The following SLC6A2 variants were observed in gnomAD, a reference collection of about 807,000 sequenced individuals.
The protein encoded by SLC6A2 is solute carrier family 6 member 2, also known as sodium-dependent noradrenaline transporter.
SLC6A2 carries 26 observed loss-of-function variants against 71.7 expected under a neutral mutation model. The observed-to-expected ratio is 0.36, with a 90% CI of 0.27 to 0.50. SLC6A2 has a LOEUF of 0.50. Among genes scored for constraint, SLC6A2 ranks in the 20% least tolerant of loss-of-function variants. The pLI is 0.96. For synonymous variants in SLC6A2, 363 were observed against 337.9 expected (o/e 1.07, Z -0.82); for missense variants, 581 against 803.9 (o/e 0.72, Z 3.35).
intron 4 of SLC6A2, among the ~76,000 whole-genome samples, chr16:55,683,796 T>G (rs1181514700): frequency 6.6e-6 from 1 of 152,230 alleles, no homozygotes; most frequent in African/African-American, 2.4e-5. Flanking sequence ...ATGAATGTCC[T>G]GAAGTCCTCA....
intron 8 of SLC6A2, among the ~76,000 whole-genome samples, chr16:55,695,737 C>T (rs1049907765): frequency 5.9e-5 from 9 of 152,182 alleles, no homozygotes; most frequent in African/African-American, 2.2e-4. Context: ...ACTCACTTTA[C>T]GAATGGGAAG....
chr16:55,674,763 C>G (rs1382102920), intron 4 of SLC6A2, among the ~76,000 whole-genome samples: 1 of 152,168 alleles, frequency 6.6e-6, no homozygotes, highest in Non-Finnish European at 1.5e-5. Flanking sequence ...TGATGGGCAC[C>G]TAGGTTGATG....
chr16:55,670,968 A>G (rs1440773021), intron 3 of SLC6A2, among the ~76,000 whole-genome samples: 1 of 152,206 alleles, frequency 6.6e-6, no homozygotes, highest in Non-Finnish European at 1.5e-5. Context: ...GAAAAAAGCT[A>G]TAGAACTACC....
At chr16:55,682,775 G>A (rs940512756) in intron 4 of SLC6A2, among the ~76,000 whole-genome samples, 13 of 152,208 alleles carry the variant, frequency 8.5e-5, no homozygotes, top group African/African-American at 2.9e-4. Context: ...GAAGGGTGTT[G>A]GGCAATGTGC....
chr16:55,658,246 T>C (rs1207915252), intron 2 of SLC6A2, among the ~76,000 whole-genome samples: 1 of 152,082 alleles, frequency 6.6e-6, no homozygotes, highest in Non-Finnish European at 1.5e-5. Flanking sequence ...GCATGGTGGC[T>C]CATGCCTATA....
intron 10 of SLC6A2, 66 bp from the exon 11 acceptor site, chr16:55,698,403 G>A: frequency 8.7e-7 from 1 of 1,148,910 alleles, no homozygotes; most frequent in Non-Finnish European, 1.3e-6. Flanking sequence ...AGAGTTGACA[G>A]ACACAACAAT....
intron 4 of SLC6A2, among the ~76,000 whole-genome samples, chr16:55,680,933 A>G (rs1367476186): frequency 6.6e-6 from 1 of 151,940 alleles, no homozygotes; most frequent in Non-Finnish European, 1.5e-5. Context: ...GTCTGGGTAG[A>G]CCTTGATGAC....
chr16:55,679,258 C>T (rs1596980257), intron 4 of SLC6A2, among the ~76,000 whole-genome samples: 1 of 150,016 alleles, frequency 6.7e-6, no homozygotes, highest in Non-Finnish European at 1.5e-5. Context: ...GGCAGATTCT[C>T]ACTCTGTCAC....
intron 13 of SLC6A2, 109 bp downstream of exon 13, chr16:55,700,415 C>A: frequency 1.0e-6 from 1 of 995,108 alleles, no homozygotes; most frequent in South Asian, 1.7e-5. Context: ...GACACAGACA[C>A]TAGGGTCAAA....
At chr16:55,678,855 A>C (rs1258645171) in intron 4 of SLC6A2, among the ~76,000 whole-genome samples, 1 of 152,154 alleles carries the variant, frequency 6.6e-6, no homozygotes, top group Non-Finnish European at 1.5e-5. Context: ...ACTAAACCCC[A>C]AGGTTTGGGC....
At chr16:55,669,810 C>A in intron 3 of SLC6A2, 114 bp downstream of exon 3, 1 of 1,175,566 alleles carries the variant, frequency 8.5e-7, no homozygotes, top group Non-Finnish European at 1.3e-6. Flanking sequence ...GTGGGATTCA[C>A]AGGTATTGAC....
chr16:55,702,160 G>A (rs1965991241), intron 14 of SLC6A2, among the ~76,000 whole-genome samples, 163 bp from the exon 15 acceptor site: 1 of 152,188 alleles, frequency 6.6e-6, no homozygotes, highest in South Asian at 2.1e-4. Flanking sequence ...GCCCTTTCTG[G>A]GCCTCTGTGA....
chr16:55,695,184 G>A, intron 7 of SLC6A2, 94 bp from the exon 8 acceptor site: 2 of 1,487,184 alleles, frequency 1.3e-6, no homozygotes, highest in Non-Finnish European at 1.9e-6. Flanking sequence ...CTTTGAGGCT[G>A]GGGCCAGGCT....
chr16:55,663,041 T>G (rs1187116419), intron 2 of SLC6A2, among the ~76,000 whole-genome samples: 1 of 152,196 alleles, frequency 6.6e-6, no homozygotes, highest in Non-Finnish European at 1.5e-5. Context: ...TCACTTTGTG[T>G]TCCTATAATG....
intron 5 of SLC6A2, among the ~76,000 whole-genome samples, chr16:55,691,152 G>A (rs543658668): frequency 4.7e-5 from 7 of 150,232 alleles, no homozygotes; most frequent in South Asian, 4.3e-4. Flanking sequence ...GTGGAGGAGA[G>A]GGAGATGAGG....
intron 2 of SLC6A2, among the ~76,000 whole-genome samples, chr16:55,667,177 A>T (rs1245310127): frequency 6.6e-6 from 1 of 152,092 alleles, no homozygotes; most frequent in Non-Finnish European, 1.5e-5. Flanking sequence ...GACTACAGGC[A>T]TGAGCCACTG....
chr16:55,677,591 G>T lies in SLC6A2; in HGVS notation c.644+5416G>T, dbSNP rs150934225. Among the ~76,000 whole-genome samples the T allele has an allele frequency of 1.7e-3, 254 of 152,320 alleles. 1 individual carries two copies. The highest frequency in any genetic ancestry group is 5.6e-3 in the African/African-American group (232 of 41,572). On this transcript the variant is annotated intron_variant, in intron 4 of 14. Coordinates refer to ENST00000568943, the MANE Select transcript of SLC6A2 (RefSeq NM_001172501.3). ...CTTCCTCCAGGCTCAGCTATAAGGA[G>T]AGTGGTGGGAAAAGATGGCATCTTC... is the stretch of plus-strand genomic sequence containing the variant.
At chr16:55,667,555 T>C (rs1163778151) in intron 2 of SLC6A2, among the ~76,000 whole-genome samples, 1 of 152,176 alleles carries the variant, frequency 6.6e-6, no homozygotes, top group Non-Finnish European at 1.5e-5. Context: ...CTGTCAGCAA[T>C]GTGCATAGGG....
chr16:55,661,094 TATC>T (rs1173845786), intron 2 of SLC6A2, among the ~76,000 whole-genome samples: 1 of 152,206 alleles, frequency 6.6e-6, no homozygotes, highest in Non-Finnish European at 1.5e-5. Context: ...GAGGAGGCAG[TATC>T]AGGCAGTGAT....
Sources: gnomAD v4.1 joint callset for allele counts (sites outside exome capture counted in the v4.1 genomes callset) on GRCh38, gnomAD v4.1.1 for gene constraint, MANE v1.5 for transcripts, NCBI Gene and HGNC (gene_info 2026-07-23, HGNC 2026-07-21) for gene names.